Variants in RBFOX1 observed in about 807,000 individuals in gnomAD.
The protein encoded by RBFOX1 is RNA binding protein fox-1 homolog 1.
In RBFOX1, 8 loss-of-function variants were observed where a neutral mutation model predicts 57.7. The ratio of observed to expected loss-of-function variants is 0.14; its 90% CI spans 0.08 to 0.25. The LOEUF is 0.25. Ranked by LOEUF, RBFOX1 falls within the 10% of genes least tolerant of loss-of-function variation. The probability of loss-of-function intolerance (pLI) is 1.00; values close to 1 mark genes in which losing one functional copy is unlikely to be tolerated. For missense variants in RBFOX1, 611 were observed against 548.5 expected (o/e 1.11, Z -1.14); for synonymous variants, 326 against 222.4 (o/e 1.47, Z -4.15).
chr16:5,651,040 C>CTTTTTT (rs869240597), intron 3 of RBFOX1, among the ~76,000 whole-genome samples: 3,449 of 56,866 alleles, frequency 0.061, 953 homozygotes, highest in Non-Finnish European at 0.081. Context: ...CTACCTCCTT[C>CTTTTTT]TTTTTTTTTT....
chr16:5,611,283 T>G (rs570668716), intron 3 of RBFOX1: 2 of 152,342 alleles, frequency 1.3e-5, no homozygotes, highest in African/African-American at 4.8e-5. Flanking sequence ...AGGCTCCACT[T>G]ACTTCCTTCA....
chr16:7,034,841 C>CTTTTTTTTTTTTTTTTT lies in RBFOX1; in HGVS notation c.-15-17210_-15-17209insTTTTTTTTTTTTTTTTT, dbSNP rs1255430430. ...ATATTGCATTACTTTTTTTTTTTTT[C>CTTTTTTTTTTTTTTTTT]TTTTTTCTTTTTTTTTTTTTTTTTT... is the stretch of plus-strand genomic sequence containing the variant. On this transcript the variant is annotated intron_variant, in intron 3 of 15. Transcript: ENST00000550418. 6.1e-3 allele frequency among the ~76,000 whole-genome samples: 237 copies of CTTTTTTTTTTTTTTTTT among 39,050 alleles called. 29 individuals are homozygous for CTTTTTTTTTTTTTTTTT. The highest frequency in any genetic ancestry group is 7.9e-3 in the Non-Finnish European group (176 of 22,418). 25.6% of individuals were successfully genotyped at this position (39,050 alleles called of 152,430 possible). A position where few individuals can be genotyped will look rare whatever the true frequency, so the allele number is the denominator to read the frequency against.
intron 2 of RBFOX1, among the ~76,000 whole-genome samples, chr16:6,399,180 C>A (rs1270797550): frequency 6.6e-6 from 1 of 152,202 alleles, no homozygotes; most frequent in East Asian, 1.9e-4. Context: ...TGCAGGGGAC[C>A]ATGTCCCGAG....
intron 5 of RBFOX1, among the ~76,000 whole-genome samples, chr16:7,573,256 G>C (rs1337032691): frequency 1.3e-5 from 2 of 152,144 alleles, no homozygotes; most frequent in African/African-American, 2.4e-5. Flanking sequence ...GAAAAGCAAA[G>C]AGGCCAACAA....
At chr16:7,221,096 A>G (rs541900192) in intron 4 of RBFOX1, among the ~76,000 whole-genome samples, 16 of 152,248 alleles carry the variant, frequency 1.1e-4, no homozygotes, top group Admixed American at 8.5e-4. Context: ...TGATGTGACT[A>G]AATTTTGATT....
At chr16:6,652,711 A>G (rs1432956925) in intron 2 of RBFOX1, among the ~76,000 whole-genome samples, 6 of 152,162 alleles carry the variant, frequency 3.9e-5, no homozygotes, top group Admixed American at 3.9e-4. Flanking sequence ...AGTCTAGAGT[A>G]GCAAAATCCA....
chr16:6,877,724 T>G (rs900302012), intron 3 of RBFOX1, among the ~76,000 whole-genome samples: 15 of 152,180 alleles, frequency 9.9e-5, no homozygotes, highest in African/African-American at 2.9e-4. Flanking sequence ...CAAAGAAGTT[T>G]CCAATATAGT....
chr16:6,191,416 C>G (rs1052181331), intron 1 of RBFOX1, among the ~76,000 whole-genome samples: 1 of 152,036 alleles, frequency 6.6e-6, no homozygotes, highest in East Asian at 1.9e-4. Context: ...TTGAGTCACT[C>G]TTGAGAATTT....
At chr16:5,962,113 G>C (rs1252952500) in intron 4 of RBFOX1, among the ~76,000 whole-genome samples, 2 of 152,106 alleles carry the variant, frequency 1.3e-5, no homozygotes, top group African/African-American at 4.8e-5. Flanking sequence ...ATGAATAAAG[G>C]AGCAAAGAAG....
intron 3 of RBFOX1, among the ~76,000 whole-genome samples, chr16:6,820,659 C>CAA (rs749156791): frequency 0.029 from 3,967 of 136,660 alleles, 186 homozygotes; most frequent in African/African-American, 0.1. Context: ...ACCCTGTCTC[C>CAA]AAAAAAAAAA....
chr16:6,591,140 A>C (rs1012441326), intron 2 of RBFOX1, among the ~76,000 whole-genome samples: 1 of 152,170 alleles, frequency 6.6e-6, no homozygotes, highest in Non-Finnish European at 1.5e-5. Flanking sequence ...TTATACAATA[A>C]ATACATTCAT....
chr16:5,483,136 G>A (rs1210294201), intron 2 of RBFOX1, among the ~76,000 whole-genome samples: 2 of 152,300 alleles, frequency 1.3e-5, no homozygotes, highest in Admixed American at 6.5e-5. Flanking sequence ...TGTCTGTGGG[G>A]TTGGGGTGGG....
Position 6,781,430 on chromosome 16 carries a change from C to G in RBFOX1, c.-16+126780C>G, listed in dbSNP as rs548473254. Among the ~76,000 whole-genome samples, 4 of 152,070 alleles carry G rather than the reference C, an allele frequency of 2.6e-5. No individual in the cohort carries two copies. In the South Asian group the frequency reaches 6.2e-4, roughly 24 times the overall value. Reference sequence around the variant, plus strand: ...TGTCTAGTTTTGGCATTAGGATAATCCTGATCCTGTAGAATGAGTTTGGAA... The same window carrying G: ...TGTCTAGTTTTGGCATTAGGATAATGCTGATCCTGTAGAATGAGTTTGGAA... On this transcript the variant is annotated intron_variant, in intron 3 of 15. Transcript: ENST00000550418.
chr16:5,401,298 T>C (rs1176789047), intron 1 of RBFOX1, among the ~76,000 whole-genome samples: 1 of 152,216 alleles, frequency 6.6e-6, no homozygotes, highest in African/African-American at 2.4e-5. Flanking sequence ...TACAAGTTCC[T>C]AGAAACCGTT....
At chr16:7,114,503 A>T (rs924661687) in intron 4 of RBFOX1, among the ~76,000 whole-genome samples, 8 of 152,192 alleles carry the variant, frequency 5.3e-5, no homozygotes, top group Non-Finnish European at 1.2e-4. Flanking sequence ...AGCACTGTGA[A>T]AATTAGCAGT....
At chr16:6,217,174 C>CTAT (rs369576149) in intron 1 of RBFOX1, among the ~76,000 whole-genome samples, 1 of 119,060 alleles carries the variant, frequency 8.4e-6, no homozygotes, top group Non-Finnish European at 1.6e-5. Flanking sequence ...TTAGGGGATT[C>CTAT]TTTTTTTTTT....
intron 2 of RBFOX1, among the ~76,000 whole-genome samples, chr16:6,527,513 G>C (rs2096597932): frequency 6.6e-6 from 1 of 151,990 alleles, no homozygotes; most frequent in African/African-American, 2.4e-5. Context: ...ATGGATTTTT[G>C]GTTATGTTTC....
chr16:5,839,528 T>C (rs559600090), intron 3 of RBFOX1, among the ~76,000 whole-genome samples: 11 of 152,308 alleles, frequency 7.2e-5, no homozygotes, highest in African/African-American at 2.6e-4. Context: ...TACATTAACC[T>C]GAAGTGCTCT....
chr16:6,856,603 T>C (rs1190391314), intron 3 of RBFOX1, among the ~76,000 whole-genome samples: 1 of 152,180 alleles, frequency 6.6e-6, no homozygotes, highest in Non-Finnish European at 1.5e-5. Flanking sequence ...CACCGTGGAA[T>C]TCATTAAAGA....
Sources: allele counts gnomAD v4.1 joint callset (sites outside exome capture counted in the v4.1 genomes callset), GRCh38; gene constraint gnomAD v4.1.1; transcripts MANE v1.5; gene names NCBI Gene and HGNC (gene_info 2026-07-23, HGNC 2026-07-21).